Variants in CLTCL1 observed in about 807,000 individuals in gnomAD.
The protein encoded by CLTCL1 is clathrin heavy chain like 1.
Under a neutral mutation model 190.0 loss-of-function variants are expected in CLTCL1, and 159 were observed. The observed-to-expected ratio is 0.84, with a 90% confidence interval of 0.74 to 0.95. The LOEUF is 0.95. Ranked by LOEUF, CLTCL1 falls within the 40% of genes least tolerant of loss-of-function variation. The pLI, the probability that CLTCL1 is intolerant of heterozygous loss-of-function variation, is 0.00. For missense variants in CLTCL1, 1,878 were observed against 2,033.4 expected (o/e 0.92, Z 1.47); for synonymous variants, 752 against 769.6 (o/e 0.98, Z 0.38).
At chr22:19,221,639 T>C in intron 16 of CLTCL1, 28 bp from the exon 17 acceptor site, 1 of 1,538,176 alleles carries the variant, frequency 6.5e-7, no homozygotes, top group Non-Finnish European at 8.8e-7. Context: ...TGCTGTAAAG[T>C]CTCAAGGCTA....
At chr22:19,249,952 A>C (rs2086539613) in intron 3 of CLTCL1, 1 of 425,960 alleles carries the variant, frequency 2.3e-6, no homozygotes, top group African/African-American at 2.1e-5. Context: ...ATTATTATTA[A>C]AGGTGAATAC....
chr22:19,187,669 C>G lies in CLTCL1; in HGVS notation c.4494G>C (p.Gln1498His). 6.2e-7 allele frequency: 1 copy of G among 1,613,884 alleles called. No homozygotes were observed. Among genetic ancestry groups the G allele is most frequent in the African/African-American group, 1.3e-5 (1 of 75,046 alleles). ...DNFDNISLAQQLEKHQLMEFR... is the reference protein window; with the variant it reads ...DNFDNISLAQHLEKHQLMEFR... Reference sequence around the variant, plus strand: ...ACTCCATCAGCTGATGCTTCTCCAGCTGCTGAGCCAGGCTGATGTTGTCAA... The same window carrying G: ...ACTCCATCAGCTGATGCTTCTCCAGGTGCTGAGCCAGGCTGATGTTGTCAA... Residue 1498 changes from glutamine to histidine, a missense_variant, in exon 29 of 33, where the codon CAG becomes CAC. Coordinates refer to ENST00000427926, the MANE Select transcript of CLTCL1 (RefSeq NM_007098.4).
chr22:19,257,904 A>G (rs1555973541), intron 2 of CLTCL1: 3 of 1,325,232 alleles, frequency 2.3e-6, no homozygotes, highest in Non-Finnish European at 1.0e-6. Flanking sequence ...AGACTGGGCC[A>G]TTACTTCAAG....
chr22:19,207,180 A>G (rs2085077770), intron 22 of CLTCL1, among the ~76,000 whole-genome samples: 1 of 151,834 alleles, frequency 6.6e-6, no homozygotes, highest in African/African-American at 2.4e-5. Context: ...CCAGGCCTGG[A>G]TAATTTTGTT....
chr22:19,200,853 CA>C (rs1388314494), intron 23 of CLTCL1, among the ~76,000 whole-genome samples: 1 of 152,010 alleles, frequency 6.6e-6, no homozygotes, highest in Admixed American at 6.6e-5. Flanking sequence ...AAAACAAAAA[CA>C]AAACAAACAA....
chr22:19,278,002 C>T (rs529776678), intron 1 of CLTCL1, among the ~76,000 whole-genome samples: 36 of 152,236 alleles, frequency 2.4e-4, no homozygotes, highest in African/African-American at 7.0e-4. Flanking sequence ...CAAGGAAACA[C>T]GTTTCTCATT....
Position 19,234,518 on chromosome 22 carries a change from A to T in CLTCL1, c.1158T>A (p.Ser386=). 1 of 1,612,878 alleles carries T rather than the reference A, an allele frequency of 6.2e-7. No homozygotes were observed. The highest frequency in any genetic ancestry group is 8.5e-7 in the Non-Finnish European group (1 of 1,179,322). The change falls in exon 7 of 33, where the codon TCT becomes TCA. Residue 386 remains serine (S), a synonymous_variant. Coordinates refer to ENST00000427926, the MANE Select transcript of CLTCL1 (RefSeq NM_007098.4). The part of the protein sequence containing the change: ...SYAEAAKVAA[S]APKGILRTRE... ...ATTCAAGGTTTATCACCTTTGGTGC[A>T]GACGCTGCAACTTTGGCGGCTTCAG...
intron 6 of CLTCL1, 127 bp from the exon 7 acceptor site, chr22:19,234,833 GGT>G: frequency 1.2e-6 from 1 of 840,046 alleles, no homozygotes; most frequent in Non-Finnish European, 1.9e-6. Flanking sequence ...CACCTGTGAT[GGT>G]GGCCCTCACA....
intron 2 of CLTCL1, among the ~76,000 whole-genome samples, chr22:19,268,790 C>CA (rs1282721836): frequency 6.6e-6 from 1 of 152,060 alleles, no homozygotes; most frequent in African/African-American, 2.4e-5. Context: ...AACAGTTGGG[C>CA]AGTTTCTTAA....
intron 2 of CLTCL1, among the ~76,000 whole-genome samples, chr22:19,260,779 CAAAAAAAAAAAAA>C (rs34267370): frequency 9.8e-4 from 56 of 56,942 alleles, no homozygotes; most frequent in African/African-American, 3.9e-3. Context: ...AACTCTGTCT[CAAAAAAAAAAAAA>C]AAAAAAAAAA....
intron 5 of CLTCL1, among the ~76,000 whole-genome samples, chr22:19,237,262 G>C (rs1285706143): frequency 6.6e-6 from 1 of 151,962 alleles, no homozygotes; most frequent in East Asian, 1.9e-4. Context: ...ATCGCTCGAG[G>C]CCAGGAGTTC....
chr22:19,214,266 A>C (rs145891890), intron 19 of CLTCL1, among the ~76,000 whole-genome samples: 2 of 152,314 alleles, frequency 1.3e-5, no homozygotes, highest in East Asian at 1.9e-4. Flanking sequence ...AGCACTGATT[A>C]GGAGAGTGGG....
intron 1 of CLTCL1, among the ~76,000 whole-genome samples, chr22:19,278,008 T>A (rs1555984364): frequency 1.3e-5 from 2 of 152,116 alleles, no homozygotes; most frequent in African/African-American, 2.4e-5. Flanking sequence ...AACACGTTTC[T>A]CATTTATTAC....
chr22:19,255,114 G>A lies in CLTCL1; in HGVS notation c.251-887C>T, dbSNP rs10222279. 4.8e-3 allele frequency among the ~76,000 whole-genome samples: 731 copies of A among 152,206 alleles called. 6 individuals are homozygous for A. The highest frequency in any genetic ancestry group is 0.016 in the African/African-American group (661 of 41,510). On this transcript the variant is annotated intron_variant, in intron 2 of 32. Coordinates refer to ENST00000427926, the MANE Select transcript of CLTCL1 (RefSeq NM_007098.4). ...TGTGATAAGGCAAGAAAAATAAAAG[G>A]CATAAAGATCAAAAAAGGAAGTAAA...
intron 22 of CLTCL1, among the ~76,000 whole-genome samples, chr22:19,206,389 C>T (rs1189455474): frequency 6.6e-6 from 1 of 152,016 alleles, no homozygotes; most frequent in African/African-American, 2.4e-5. Context: ...ATTACAAGTG[C>T]ATGCCACACA....
intron 3 of CLTCL1, among the ~76,000 whole-genome samples, chr22:19,243,767 G>A (rs1191914863): frequency 1.5e-5 from 2 of 136,676 alleles, no homozygotes; most frequent in Non-Finnish European, 3.0e-5. Context: ...GCGTGATCTC[G>A]GCTCACTGCA....
chr22:19,215,287 C>T (rs1555948893), intron 19 of CLTCL1, among the ~76,000 whole-genome samples: 1 of 152,184 alleles, frequency 6.6e-6, no homozygotes, highest in East Asian at 1.9e-4. Context: ...ACACAAATTC[C>T]TCTCTATAAT....
chr22:19,200,827 G>A (rs1445395392), intron 23 of CLTCL1, among the ~76,000 whole-genome samples: 2 of 152,202 alleles, frequency 1.3e-5, no homozygotes, highest in Non-Finnish European at 2.9e-5. Context: ...GGGCGACAGA[G>A]CTAGACTCCA....
At chr22:19,193,040 T>A (rs897959704) in intron 26 of CLTCL1, among the ~76,000 whole-genome samples, 8 of 152,346 alleles carry the variant, frequency 5.3e-5, no homozygotes, top group South Asian at 4.1e-4. Flanking sequence ...TCATCTTCTG[T>A]GGCGAATCAC....
Sources: allele counts gnomAD v4.1 joint callset (sites outside exome capture counted in the v4.1 genomes callset), GRCh38; gene constraint gnomAD v4.1.1; transcripts MANE v1.5; gene names NCBI Gene and HGNC (gene_info 2026-07-23, HGNC 2026-07-21).